Variants in PCDHGA3 observed in about 807,000 individuals in gnomAD.
PCDHGA3 encodes the protein protocadherin gamma-A3.
PCDHGA3 carries 40 observed loss-of-function variants against 58.5 expected under a neutral mutation model. The ratio of observed to expected loss-of-function variants is 0.68; its 90% CI spans 0.53 to 0.89. The LOEUF (loss-of-function observed/expected upper bound fraction) is 0.89. Ranked by LOEUF, PCDHGA3 falls within the 40% of genes least tolerant of loss-of-function variation. The pLI is 0.00. For synonymous variants in PCDHGA3, 530 were observed against 525.7 expected, an observed-to-expected ratio of 1.01 and a Z score of -0.11; for missense variants, 1,223 against 1,195.9, an observed-to-expected ratio of 1.02 and a Z score of -0.33.
intron 1 of PCDHGA3, among the ~76,000 whole-genome samples, chr5:141,458,247 C>T (rs758242859): frequency 4.6e-5 from 7 of 152,100 alleles, no homozygotes; most frequent in South Asian, 2.1e-4. Flanking sequence ...CAAAATGATA[C>T]GGCTCTGATG....
intron 3 of PCDHGA3, among the ~76,000 whole-genome samples, chr5:141,509,440 C>T (rs1036780108): frequency 2.0e-5 from 3 of 152,158 alleles, no homozygotes; most frequent in Non-Finnish European, 4.4e-5. Flanking sequence ...CTTGTTTCCT[C>T]CTCTCCCACC....
intron 1 of PCDHGA3, chr5:141,357,031 T>C (rs764103688): frequency 2.5e-6 from 4 of 1,613,998 alleles, no homozygotes; most frequent in Non-Finnish European, 3.4e-6. Flanking sequence ...CCTACTCAAG[T>C]CCAGCGAGCC....
In PCDHGA3 at chr5:141,491,759, G is replaced by C. The variant is rs746395685; in HGVS notation, c.2425-3048G>C. 3 of 1,575,392 alleles carry C rather than the reference G, an allele frequency of 1.9e-6. No individual in the cohort carries two copies. Among genetic ancestry groups the C allele is most frequent in the Non-Finnish European group, 2.6e-6 (3 of 1,161,808 alleles). ...GGGGGCGGCACTGGAGAAGCCGCCC[G>C]TCCTCATAAGGGATTGAACTTGCAT... On this transcript the variant is annotated intron_variant, in intron 1 of 3. Coordinates refer to ENST00000253812, the MANE Select transcript of PCDHGA3 (RefSeq NM_018916.4). The surrounding 1 kb of genome is among the most constrained non-coding windows in gnomAD (Gnocchi z 6.9).
intron 1 of PCDHGA3, chr5:141,398,744 GTTACCATCGT>G (rs765550213): frequency 1.3e-4 from 209 of 1,613,736 alleles, no homozygotes; most frequent in Non-Finnish European, 1.7e-4. Context: ...GAACAACAGA[GTTACCATCGT>G]TTAGTCCTGA....
At chr5:141,418,692 C>T in intron 1 of PCDHGA3, 5 of 1,614,032 alleles carry the variant, frequency 3.1e-6, no homozygotes, top group Non-Finnish European at 4.2e-6. Flanking sequence ...TCAGAGATCA[C>T]TTATTCCTTC....
At chr5:141,422,716 G>A (rs1348237465) in intron 1 of PCDHGA3, 1 of 1,604,378 alleles carries the variant, frequency 6.2e-7, no homozygotes, top group Non-Finnish European at 8.5e-7. Flanking sequence ...GGATGACACT[G>A]TCCAGGGGGT....
At chr5:141,385,027 G>T (rs1487991378) in intron 1 of PCDHGA3, 3 of 1,614,036 alleles carry the variant, frequency 1.9e-6, no homozygotes, top group East Asian at 2.2e-5. Context: ...CTTCGTCCTC[G>T]TACTGCTGGC....
At chr5:141,393,259 G>GAGCACGTT (rs1561641390) in intron 1 of PCDHGA3, 2 of 1,613,874 alleles carry the variant, frequency 1.2e-6, no homozygotes, top group Non-Finnish European at 1.7e-6. Flanking sequence ...GCGGTTCCTG[G>GAGCACGTT]AGCACGTTAT....
At chr5:141,456,574 T>G (rs373414652) in intron 1 of PCDHGA3, among the ~76,000 whole-genome samples, 3 of 152,198 alleles carry the variant, frequency 2.0e-5, no homozygotes, top group South Asian at 4.1e-4. Flanking sequence ...ACATTTTCCC[T>G]GAGCCTGTCA....
chr5:141,351,502 C>T (rs754605719), intron 1 of PCDHGA3: 8 of 1,613,892 alleles, frequency 5.0e-6, no homozygotes, highest in Non-Finnish European at 6.8e-6. Flanking sequence ...CAGCAGACTA[C>T]AACGTCACAA....
chr5:141,459,162 T>A (rs1408033955), intron 1 of PCDHGA3, among the ~76,000 whole-genome samples: 3 of 152,224 alleles, frequency 2.0e-5, no homozygotes, highest in African/African-American at 7.2e-5. Context: ...AACATTTCTA[T>A]AACCTTCAAA....
At chr5:141,383,492 G>A (rs1012277194) in intron 1 of PCDHGA3, 4 of 1,613,060 alleles carry the variant, frequency 2.5e-6, no homozygotes, top group African/African-American at 2.7e-5. Context: ...GTGCTGGAGC[G>A]GGTGCTGGAC....
intron 1 of PCDHGA3, chr5:141,413,818 G>T: frequency 6.2e-7 from 1 of 1,613,138 alleles, no homozygotes; most frequent in Non-Finnish European, 8.5e-7. Context: ...TCACCACCTG[G>T]TCCTCACCGC....
At chr5:141,374,341 C>T (rs1770393782) in intron 1 of PCDHGA3, 4 of 1,613,988 alleles carry the variant, frequency 2.5e-6, no homozygotes, top group Non-Finnish European at 3.4e-6. Flanking sequence ...GCTTGGTCAC[C>T]GCGGGTAGGA....
At chr5:141,366,907 A>G (rs2149901228) in intron 1 of PCDHGA3, 2 of 1,144,648 alleles carry the variant, frequency 1.7e-6, no homozygotes, top group South Asian at 3.3e-5. Context: ...TGCTTTCTCC[A>G]TTTGTTTTCA....
Position 141,491,623 on chromosome 5 carries a change from G to T in PCDHGA3, c.2425-3184G>T. 1 of 1,613,930 alleles carries T rather than the reference G, an allele frequency of 6.2e-7. No homozygotes were observed. The highest frequency in any genetic ancestry group is 1.1e-5 in the South Asian group (1 of 91,084). On this transcript the variant is annotated intron_variant, in intron 1 of 3. Transcript: ENST00000253812. This position sits in a 1 kb window ranked among gnomAD's most constrained non-coding sequence, Gnocchi z 6.9. ...CTTCACTTTTCTAAGACCCCTCAGC[G>T]TTCAGCAGCCCACAGCTCTGGCGCT...
At chr5:141,390,475 A>G (rs1355918266) in intron 1 of PCDHGA3, 1 of 686,634 alleles carries the variant, frequency 1.5e-6, no homozygotes, top group Admixed American at 3.0e-5. Context: ...TGTGTGGCCC[A>G]ACATTTGTTT....
At chr5:141,393,671 A>G in intron 1 of PCDHGA3, 1 of 1,613,944 alleles carries the variant, frequency 6.2e-7, no homozygotes, top group Non-Finnish European at 8.5e-7. Flanking sequence ...AAATTAATGA[A>G]AAACAAACTC....
At chr5:141,366,019 G>T in intron 1 of PCDHGA3, 2 of 1,614,226 alleles carry the variant, frequency 1.2e-6, no homozygotes, top group South Asian at 2.2e-5. Flanking sequence ...CTGAGATCCT[G>T]TACCCCGCCC....
Sources: allele counts gnomAD v4.1 joint callset (sites outside exome capture counted in the v4.1 genomes callset), GRCh38; gene constraint gnomAD v4.1.1; non-coding constraint Gnocchi (gnomAD v3.1); transcripts MANE v1.5; gene names NCBI Gene and HGNC (gene_info 2026-07-23, HGNC 2026-07-21).